HHIPL1: variants seen among roughly 807,000 people sequenced by gnomAD.
The protein encoded by HHIPL1 is HHIP-like protein 1.
Under a neutral mutation model 61.8 loss-of-function variants are expected in HHIPL1, and 43 were observed. The ratio of observed to expected loss-of-function variants is 0.70; its 90% confidence interval spans 0.55 to 0.90. The LOEUF (loss-of-function observed/expected upper bound fraction) is 0.90, where lower values mean the gene tolerates loss of function less well. Among genes scored for constraint, HHIPL1 ranks in the 40% least tolerant of loss-of-function variants. The pLI is 0.00. For missense variants in HHIPL1, 1,056 were observed against 1,157.7 expected, an observed-to-expected ratio of 0.91 and a Z score of 1.28; for synonymous variants, 482 against 515.8, an observed-to-expected ratio of 0.93 and a Z score of 0.89.
At chr14:99,621,775 A>T in the HHIPL1 span, among the ~76,000 whole-genome samples, 1 of 115,226 alleles carries the variant, frequency 8.7e-6, no homozygotes, top group Non-Finnish European at 1.6e-5. Context: ...GAGTGCAGTG[A>T]TGCGATCTTG....
intron 6 of HHIPL1, 89 bp downstream of exon 6, chr14:99,663,110 G>A: frequency 7.7e-7 from 1 of 1,304,452 alleles, no homozygotes; most frequent in Non-Finnish European, 1.0e-6. Flanking sequence ...TGATGTAGGG[G>A]AAGGACCACA....
At chr14:99,641,402 GTTTCTTTCTT>G (rs1193402259), upstream of HHIPL1, among the ~76,000 whole-genome samples, 2 of 148,498 alleles carry the variant, frequency 1.3e-5, no homozygotes, top group Non-Finnish European at 1.5e-5. Context: ...TGGTTGCCTG[GTTTCTTTCTT>G]TTTCTTTCTT....
At chr14:99,669,180 G>C in intron 7 of HHIPL1, 1 of 1,304,436 alleles carries the variant, frequency 7.7e-7, no homozygotes, top group African/African-American at 1.5e-5. Flanking sequence ...GGCCAAGCCT[G>C]TATCTCTTCA....
At position 99,675,478 on chromosome 14, in the gene HHIPL1, G is replaced by C. The variant is rs1210395941; in HGVS notation, c.2201G>C (p.Gly734Ala). The C allele has an allele frequency of 6.5e-7, 1 of 1,541,690 alleles. No homozygotes were observed. Among genetic ancestry groups the C allele is most frequent in the South Asian group, 1.2e-5 (1 of 83,986 alleles). The change falls in exon 9 of 9, where the codon GGC becomes GCC. Residue 734 changes from glycine to alanine, a missense_variant. Transcript: ENST00000330710. This position sits in a 1 kb window ranked among gnomAD's most constrained non-coding sequence, Gnocchi z 5.4. ...AVKRAEFGQG[G>A]SLPILLDDVR... ...AAGAGAGCCGAGTTCGGCCAGGGCGGCTCGCTGCCCATTCTGCTGGACGAT... is the reference window on the plus strand; with the variant it reads ...AAGAGAGCCGAGTTCGGCCAGGGCGCCTCGCTGCCCATTCTGCTGGACGAT...
At chr14:99,625,757 A>C in the HHIPL1 span, 1 of 152,206 alleles carries the variant, frequency 6.6e-6, no homozygotes, top group Non-Finnish European at 1.5e-5. Flanking sequence ...CACTGCTTTA[A>C]TAAAACACAG....
the HHIPL1 span, among the ~76,000 whole-genome samples, chr14:99,636,644 C>T: frequency 6.6e-6 from 1 of 151,408 alleles, no homozygotes; most frequent in African/African-American, 2.4e-5. Flanking sequence ...TTAGTGTAGA[C>T]GAATCTCCAA....
rs868037649 is a variant in HHIPL1, at chr14:99,678,961, C to T, written c.*3335C>T. Reference sequence around the variant, plus strand: ...TCTACAACAGCTGACCTCTGCTGAGCGCTTACTACATGCCAAGCACTGCTC... The same window carrying T: ...TCTACAACAGCTGACCTCTGCTGAGTGCTTACTACATGCCAAGCACTGCTC... On this transcript the variant is annotated 3_prime_UTR_variant, in exon 9 of 9. Transcript: ENST00000330710. 3.9e-5 allele frequency: 6 copies of T among 152,346 alleles called. No individual in the cohort carries two copies. The highest frequency in any genetic ancestry group is 6.8e-3 in the Middle Eastern group (2 of 294). 9.4% of individuals were successfully genotyped at this position (152,346 alleles called of 1,614,324 possible). A position where few individuals can be genotyped will look rare whatever the true frequency, so the allele number is the denominator to read the frequency against.
chr14:99,657,773 G>C (rs1489146956), intron 3 of HHIPL1, among the ~76,000 whole-genome samples: 1 of 150,576 alleles, frequency 6.6e-6, no homozygotes, highest in African/African-American at 2.4e-5. Flanking sequence ...ACATGCATAT[G>C]CTACATATAC....
the HHIPL1 span, among the ~76,000 whole-genome samples, chr14:99,613,123 G>T: frequency 5.7e-4 from 87 of 151,976 alleles, no homozygotes; most frequent in African/African-American, 2.1e-3. Context: ...AGGCCTTGTC[G>T]TGACCTGCCC....
chr14:99,622,068 A>G, the HHIPL1 span, among the ~76,000 whole-genome samples: 1 of 151,898 alleles, frequency 6.6e-6, no homozygotes, highest in Admixed American at 6.6e-5. Flanking sequence ...GGACCTTGCC[A>G]TCAACTTGTC....
In HHIPL1 at chr14:99,652,556, C is replaced by T. The variant is rs760656932; in HGVS notation, c.588C>T (p.Pro196=). Residue 196 remains proline, a synonymous_variant, in exon 2 of 9, where the codon CCC becomes CCT. Coordinates refer to ENST00000330710, the MANE Select transcript of HHIPL1 (RefSeq NM_001127258.3). ...AGGTGGCCAACGGGCTGCGCAACCC[C>T]GTGGCCATGGTCCATGCCAGGGATG... ...LEEVANGLRN[P]VAMVHARDGT... 27 of 1,612,982 alleles carry T rather than the reference C, an allele frequency of 1.7e-5. No homozygotes were observed. Among genetic ancestry groups the T allele is most frequent in the East Asian group, 6.7e-5 (3 of 44,896 alleles).
Position 99,660,167 on chromosome 14 carries a change from ACGCCCCTCCCTCCGTGGC to A in HHIPL1, c.1376-106_1376-89del. ...TGGGCACGCCAGCCCTGCTGTGGGC[ACGCCCCTCCCTCCGTGGC>A]CGCCCCACCCCCGCGGAATCCCTCC... On this transcript the variant is annotated intron_variant, in intron 4 of 8. Coordinates refer to ENST00000330710, the MANE Select transcript of HHIPL1 (RefSeq NM_001127258.3). This position sits in a 1 kb window ranked among gnomAD's most constrained non-coding sequence, Gnocchi z 4.9. 1 of 1,189,106 alleles carries A rather than the reference ACGCCCCTCCCTCCGTGGC, an allele frequency of 8.4e-7. No homozygotes were observed. 73.7% of individuals were successfully genotyped at this position (1,189,106 alleles called of 1,614,324 possible).
rs1555377257 is a variant in HHIPL1 at position 99,656,787 on chromosome 14, A to AAAAGAAAG, written c.903-168_903-161dup. The stretch of plus-strand genomic sequence containing the variant: ...AACACTCTGTCTGCAAAAAGAAAAG[A>AAAAGAAAG]AAAGAAAGAAAGAAAGAAAGAAAGA... On this transcript the variant is annotated intron_variant, in intron 2 of 8. Coordinates refer to ENST00000330710, the MANE Select transcript of HHIPL1 (RefSeq NM_001127258.3). Among the ~76,000 whole-genome samples, 30 of 20,440 alleles carry AAAAGAAAG rather than the reference A, an allele frequency of 1.5e-3. 2 individuals are homozygous for AAAAGAAAG. Among genetic ancestry groups the AAAAGAAAG allele is most frequent in the African/African-American group, 3.4e-3 (30 of 8,916 alleles). The allele number at this position is 20,440 out of a possible 152,430, so 13.4% of individuals were successfully genotyped here.
intron 1 of HHIPL1, among the ~76,000 whole-genome samples, chr14:99,646,594 G>A (rs1387975033): frequency 3.3e-5 from 5 of 152,120 alleles, no homozygotes; most frequent in Admixed American, 2.6e-4. Context: ...GGCCAACATG[G>A]CGAAACTCCA....
intron 6 of HHIPL1, among the ~76,000 whole-genome samples, chr14:99,667,758 A>G (rs1277270950): frequency 6.6e-6 from 1 of 152,234 alleles, no homozygotes; most frequent in Non-Finnish European, 1.5e-5. Flanking sequence ...TCCTTATAAC[A>G]GCCCAATGAG....
chr14:99,621,025 G>T, the HHIPL1 span, among the ~76,000 whole-genome samples: 1 of 152,266 alleles, frequency 6.6e-6, no homozygotes, highest in Non-Finnish European at 1.5e-5. Context: ...TCTCACAGAG[G>T]TATAGAGGAA....
At chr14:99,623,481 A>G in the HHIPL1 span, among the ~76,000 whole-genome samples, 1 of 152,056 alleles carries the variant, frequency 6.6e-6, no homozygotes, top group African/African-American at 2.4e-5. Flanking sequence ...TGGTATGATC[A>G]CAGCTCACTG....
At chr14:99,635,428 G>T in the HHIPL1 span, among the ~76,000 whole-genome samples, 1 of 152,174 alleles carries the variant, frequency 6.6e-6, no homozygotes, top group South Asian at 2.1e-4. Context: ...TGCGGGGTGG[G>T]GGTGGCAGGG....
intron 7 of HHIPL1, chr14:99,669,066 G>A: frequency 6.9e-7 from 1 of 1,445,964 alleles, no homozygotes; most frequent in Non-Finnish European, 9.1e-7. Flanking sequence ...AACCCACGTT[G>A]CCCTCCAGGC....
Sources: allele counts gnomAD v4.1 joint callset (sites outside exome capture counted in the v4.1 genomes callset), GRCh38; gene constraint gnomAD v4.1.1; non-coding constraint Gnocchi (gnomAD v3.1); transcripts MANE v1.5; gene names NCBI Gene and HGNC (gene_info 2026-07-23, HGNC 2026-07-21).